QKI: variants seen among roughly 807,000 people sequenced by gnomAD.
The protein encoded by QKI is KH domain-containing RNA-binding protein QKI.
In QKI, 10 loss-of-function variants were observed where a neutral mutation model predicts 39.0. The observed-to-expected ratio is 0.26, with a 90% CI of 0.16 to 0.43. The LOEUF is 0.43. Among genes scored for constraint, QKI ranks in the 20% least tolerant of loss-of-function variants. The pLI, the probability that QKI is intolerant of heterozygous loss-of-function variation, is 1.00. For missense variants in QKI, 218 were observed against 428.0 expected, an observed-to-expected ratio of 0.51 and a Z score of 4.33; for synonymous variants, 204 against 155.4, an observed-to-expected ratio of 1.31 and a Z score of -2.33.
chr6:163,563,510 G>C lies in QKI; in HGVS notation c.725G>C (p.Arg242Pro). The change falls in exon 6 of 8, where the codon CGT (arginine) becomes CCT (proline). Residue 242 changes from arginine to proline, a missense_variant. By Grantham distance (103) the Arg-to-Pro change is moderately radical. Around this residue, in one of 3 missense-constraint regions of QKI, gnomAD observed 117 missense variants for 186.0 expected, o/e 0.63. Coordinates refer to ENST00000361752, the MANE Select transcript of QKI (RefSeq NM_006775.3). ...CCGGTTCTCCCACCAGCTGCCCTGC[G>C]TACTCCTACGCCAGCTGGCCCTACC... ...PAPVLPPAAL[R>P]TPTPAGPTIM... is the part of the protein sequence containing the mutation. 1.2e-6 allele frequency: 2 copies of C among 1,614,130 alleles called. No individual in the cohort carries two copies. The highest frequency in any genetic ancestry group is 8.5e-7 in the Non-Finnish European group (1 of 1,180,036).
intron 3 of QKI, among the ~76,000 whole-genome samples, chr6:163,490,930 A>G (rs1778010334): frequency 6.6e-6 from 1 of 152,194 alleles, no homozygotes; most frequent in South Asian, 2.1e-4. Flanking sequence ...CAAAACAAAT[A>G]TAATCTCTTA....
intron 1 of QKI, among the ~76,000 whole-genome samples, chr6:163,439,217 T>G (rs1337041325): frequency 6.6e-6 from 1 of 152,160 alleles, no homozygotes; most frequent in Non-Finnish European, 1.5e-5. Flanking sequence ...GCATTAATAA[T>G]AGCAGATTCT....
chr6:163,482,003 A>T (rs1021407848), intron 3 of QKI, among the ~76,000 whole-genome samples: 2 of 151,942 alleles, frequency 1.3e-5, no homozygotes, highest in Non-Finnish European at 2.9e-5. Context: ...ACATAGTGAG[A>T]CCCCCATCTC....
At chr6:163,548,983 T>C (rs1489686242) in intron 4 of QKI, among the ~76,000 whole-genome samples, 1 of 152,200 alleles carries the variant, frequency 6.6e-6, no homozygotes, top group Non-Finnish European at 1.5e-5. Flanking sequence ...TATAACTGGA[T>C]GGATAGTGCT....
At chr6:163,547,852 A>G (rs1024695001) in intron 4 of QKI, among the ~76,000 whole-genome samples, 1 of 152,108 alleles carries the variant, frequency 6.6e-6, no homozygotes, top group South Asian at 2.1e-4. Context: ...GGCCAAAACT[A>G]TCTTTTTAAT....
At chr6:163,537,169 GC>G (rs770670170) in intron 4 of QKI, among the ~76,000 whole-genome samples, 6 of 152,180 alleles carry the variant, frequency 3.9e-5, no homozygotes, top group Non-Finnish European at 8.8e-5. Context: ...CTGTACGCCA[GC>G]CTGGGTGACA....
intron 3 of QKI, among the ~76,000 whole-genome samples, chr6:163,524,965 A>G (rs1780398141): frequency 6.6e-6 from 1 of 152,210 alleles, no homozygotes; most frequent in Non-Finnish European, 1.5e-5. Flanking sequence ...AGGAAACTGA[A>G]GCATAGATAA....
At chr6:163,417,035 T>C (rs1432811902) in intron 1 of QKI, among the ~76,000 whole-genome samples, 1 of 152,204 alleles carries the variant, frequency 6.6e-6, no homozygotes, top group African/African-American at 2.4e-5. Context: ...ACATACTCAA[T>C]CTGACTGACC....
chr6:163,514,157 A>T (rs866904624), intron 3 of QKI, among the ~76,000 whole-genome samples: 15 of 152,298 alleles, frequency 9.8e-5, no homozygotes, highest in Middle Eastern at 3.4e-3. Flanking sequence ...GTTAGACAGG[A>T]ACACCTGTGG....
chr6:163,491,605 A>G (rs1778058156), intron 3 of QKI, among the ~76,000 whole-genome samples: 1 of 152,156 alleles, frequency 6.6e-6, no homozygotes, highest in Non-Finnish European at 1.5e-5. Flanking sequence ...TTGTTTTAAG[A>G]TAGAAGAGTA....
chr6:163,534,461 A>G (rs1781068559), intron 3 of QKI, among the ~76,000 whole-genome samples: 1 of 152,220 alleles, frequency 6.6e-6, no homozygotes, highest in South Asian at 2.1e-4. Flanking sequence ...AAGCAGTTGT[A>G]ATGAAGTGGA....
chr6:163,452,739 T>TTTA (rs1411926884), intron 1 of QKI, among the ~76,000 whole-genome samples: 1 of 152,178 alleles, frequency 6.6e-6, no homozygotes, highest in African/African-American at 2.4e-5. Flanking sequence ...TTTTTATTTA[T>TTTA]TTTTTTAGAC....
At chr6:163,495,417 A>T (rs1004735242) in intron 3 of QKI, among the ~76,000 whole-genome samples, 1 of 152,110 alleles carries the variant, frequency 6.6e-6, no homozygotes, top group African/African-American at 2.4e-5. Flanking sequence ...GTCTGTATGT[A>T]TGTACATATA....
At position 163,563,591 on chromosome 6, in the gene QKI, A is replaced by T. The variant is rs775809461; in HGVS notation, c.806A>T (p.His269Leu). The part of the protein sequence containing the change: ...QTAVMPNGTP[H>L]PTAAIVPPGP... Reference sequence around the variant, plus strand: ...GCTGTCATGCCAAACGGAACTCCTCACCCAACTGCTGCAATAGTTCCTCCA... The same window carrying T: ...GCTGTCATGCCAAACGGAACTCCTCTCCCAACTGCTGCAATAGTTCCTCCA... The change falls in exon 6 of 8, where the codon CAC becomes CTC. Residue 269 changes from histidine to leucine, a missense_variant. By Grantham distance (99) the His-to-Leu change is moderately conservative (BLOSUM62 -3). Transcript: ENST00000361752. 1.2e-6 allele frequency: 2 copies of T among 1,614,080 alleles called. No homozygotes were observed. Among genetic ancestry groups the T allele is most frequent in the East Asian group, 4.5e-5 (2 of 44,852 alleles).
Position 163,455,566 on chromosome 6 carries a change from A to C in QKI, c.285+145A>C, listed in dbSNP as rs1450418536. On this transcript the variant is annotated intron_variant, in intron 2 of 7. Coordinates refer to ENST00000361752, the MANE Select transcript of QKI (RefSeq NM_006775.3). ...TGAAGTGTGAATAATTTGGCATGAT[A>C]ATTTAAAAAATTTCTCTCTAAATAT... The C allele has an allele frequency of 8.5e-6, 7 of 825,140 alleles. No individual in the cohort carries two copies. In the East Asian group the frequency reaches 1.8e-4, roughly 22 times the overall value. 51.1% of individuals were successfully genotyped at this position (825,140 alleles called of 1,614,324 possible). A position where few individuals can be genotyped will look rare whatever the true frequency, so the allele number is the denominator to read the frequency against.
chr6:163,450,693 GTTTTCAGGCCTAAACAAAAAA>G, intron 1 of QKI, among the ~76,000 whole-genome samples: 1 of 151,930 alleles, frequency 6.6e-6, no homozygotes, highest in Non-Finnish European at 1.5e-5. Context: ...GTAGTAACAG[GTTTTCAGGCCTAAACAAAAAA>G]TAGTTTTCAG....
At chr6:163,471,670 G>A (rs1436554880) in intron 2 of QKI, among the ~76,000 whole-genome samples, 2 of 151,858 alleles carry the variant, frequency 1.3e-5, no homozygotes, top group African/African-American at 4.8e-5. Context: ...AGAAGAGAAC[G>A]AAGAAAATAC....
At chr6:163,513,310 T>C (rs1400265468) in intron 3 of QKI, among the ~76,000 whole-genome samples, 1 of 152,018 alleles carries the variant, frequency 6.6e-6, no homozygotes, top group African/African-American at 2.4e-5. Context: ...TAAAACTGAT[T>C]AAGAAAAAAC....
intron 3 of QKI, among the ~76,000 whole-genome samples, chr6:163,497,897 C>G (rs929357068): frequency 2.0e-5 from 3 of 152,048 alleles, no homozygotes; most frequent in African/African-American, 7.2e-5. Context: ...GTGACTTCTA[C>G]AAAACACTAG....
Sources: gnomAD v4.1 joint callset for allele counts (sites outside exome capture counted in the v4.1 genomes callset) on GRCh38, gnomAD v4.1.1 for gene constraint, gnomAD v4.1.1 regional missense constraint, MANE v1.5 for transcripts, NCBI Gene and HGNC (gene_info 2026-07-23, HGNC 2026-07-21) for gene names.